CRADD: variants seen among roughly 807,000 people sequenced by gnomAD.
CRADD encodes the protein death domain-containing protein CRADD.
CRADD carries 9 observed loss-of-function variants against 15.5 expected under a neutral mutation model. That is an observed-to-expected ratio of 0.58 (90% CI 0.35 to 1.01). The LOEUF (loss-of-function observed/expected upper bound fraction) is 1.01. Ranked by LOEUF, CRADD falls within the 50% of genes least tolerant of loss-of-function variation. The pLI is 0.02. For synonymous variants in CRADD, 118 were observed against 107.6 expected (o/e 1.10, Z -0.60); for missense variants, 227 against 250.3 (o/e 0.91, Z 0.63).
chr12:93,734,644 T>G (rs992852918), intron 2 of CRADD, among the ~76,000 whole-genome samples: 5 of 152,232 alleles, frequency 3.3e-5, no homozygotes, highest in African/African-American at 1.2e-4. Flanking sequence ...AGAACACCAC[T>G]GCATCATCAG....
At chr12:93,842,548 A>G (rs958544058) in intron 2 of CRADD, among the ~76,000 whole-genome samples, 1 of 152,164 alleles carries the variant, frequency 6.6e-6, no homozygotes, top group Non-Finnish European at 1.5e-5. Flanking sequence ...TCACAGAAGT[A>G]GAAGAGCTGG....
At chr12:93,835,819 T>G (rs1457579306) in intron 2 of CRADD, among the ~76,000 whole-genome samples, 1 of 152,216 alleles carries the variant, frequency 6.6e-6, no homozygotes, top group Admixed American at 6.5e-5. Context: ...TCACTTGCCA[T>G]GCTGTTTCAT....
intron 2 of CRADD, among the ~76,000 whole-genome samples, chr12:93,885,452 A>T (rs1474488581): frequency 7.3e-6 from 1 of 137,204 alleles, no homozygotes; most frequent in Non-Finnish European, 1.5e-5. Flanking sequence ...GCCACCCCCC[A>T]GTCTGGTGCT....
chr12:93,776,871 G>A (rs952586600), intron 2 of CRADD, among the ~76,000 whole-genome samples: 4 of 152,286 alleles, frequency 2.6e-5, no homozygotes, highest in African/African-American at 7.2e-5. Context: ...TGCTTAGAGC[G>A]GGAGGTGGGG....
intron 2 of CRADD, among the ~76,000 whole-genome samples, chr12:93,884,308 A>G (rs1199949268): frequency 6.6e-6 from 1 of 152,232 alleles, no homozygotes; most frequent in African/African-American, 2.4e-5. Context: ...TTCTTCCTGA[A>G]TCTAAACCTT....
At chr12:93,700,006 G>T (rs1955804749) in intron 2 of CRADD, among the ~76,000 whole-genome samples, 2 of 152,178 alleles carry the variant, frequency 1.3e-5, no homozygotes, top group Admixed American at 1.3e-4. Flanking sequence ...ATAAAGTAGG[G>T]AGTGCTTCGA....
chr12:93,859,265 T>G (rs1221345120), intron 2 of CRADD: 1 of 451,668 alleles, frequency 2.2e-6, no homozygotes, highest in Non-Finnish European at 4.4e-6. Context: ...TTTAAAAAGC[T>G]ATAATCAAAT....
At chr12:93,753,754 T>C (rs1956856961) in intron 2 of CRADD, among the ~76,000 whole-genome samples, 2 of 152,256 alleles carry the variant, frequency 1.3e-5, no homozygotes, top group Admixed American at 1.3e-4. Flanking sequence ...CCCACAACTT[T>C]GGGCAGCTCT....
chr12:93,886,489 T>G (rs912434045), intron 2 of CRADD, among the ~76,000 whole-genome samples: 8 of 152,158 alleles, frequency 5.3e-5, no homozygotes, highest in African/African-American at 1.7e-4. Flanking sequence ...TTTCACTGCC[T>G]TGAGAGTTTA....
chr12:93,713,463 C>T (rs1220855122), intron 2 of CRADD, among the ~76,000 whole-genome samples: 1 of 152,150 alleles, frequency 6.6e-6, no homozygotes, highest in Non-Finnish European at 1.5e-5. Context: ...CCAAAATCCA[C>T]AGATGCTCAA....
chr12:93,818,777 G>A (rs1043591093), intron 2 of CRADD, among the ~76,000 whole-genome samples: 36 of 152,196 alleles, frequency 2.4e-4, no homozygotes, highest in Non-Finnish European at 1.0e-4. Flanking sequence ...ACCACAGGGT[G>A]AGAGAACTGG....
At chr12:93,728,307 AC>A (rs1330467970) in intron 2 of CRADD, among the ~76,000 whole-genome samples, 1 of 152,266 alleles carries the variant, frequency 6.6e-6, no homozygotes, top group Non-Finnish European at 1.5e-5. Flanking sequence ...ATTATAAAAT[AC>A]ATAGGAATAA....
intron 2 of CRADD, among the ~76,000 whole-genome samples, chr12:93,882,420 CA>C (rs564407219): frequency 0.1 from 6,862 of 65,644 alleles, 124 homozygotes; most frequent in East Asian, 0.27. Context: ...GACTCTGTCT[CA>C]AAAAAAAAAA....
Position 93,870,434 on chromosome 12 carries a change from A to T in CRADD, c.299-23616A>T, listed in dbSNP as rs144532373. On this transcript the variant is annotated intron_variant, in intron 2 of 2. Coordinates refer to the CRADD transcript ENST00000548483. ...GGACCTTCCTCTCCCTTAAGTTCCC[A>T]GTCTGGGGCTACAGTTTTACCCTCA... Among the ~76,000 whole-genome samples, 12 of 152,268 alleles carry T rather than the reference A, an allele frequency of 7.9e-5. 1 individual carries two copies. Among genetic ancestry groups the T allele is most frequent in the African/African-American group, 2.9e-4 (12 of 41,554 alleles).
At chr12:93,779,008 G>A (rs1001172441) in intron 2 of CRADD, among the ~76,000 whole-genome samples, 9 of 152,164 alleles carry the variant, frequency 5.9e-5, no homozygotes, top group African/African-American at 1.7e-4. Flanking sequence ...GAGCCAAAGC[G>A]TTATGCCTGA....
chr12:93,710,639 C>G lies in CRADD; in HGVS notation c.298+31567C>G, dbSNP rs576612800. On this transcript the variant is annotated intron_variant, in intron 2 of 2. Coordinates refer to ENST00000332896, the MANE Select transcript of CRADD (RefSeq NM_003805.5). ...GGATTACAGGCGTGAACCACCATGC[C>G]TGGCCAGCTTCTATTTCTCTTGAAG... Among the ~76,000 whole-genome samples the G allele has an allele frequency of 3.9e-3, 599 of 152,276 alleles. 1 individual carries two copies. Among genetic ancestry groups the G allele is most frequent in the Non-Finnish European group, 6.4e-3 (436 of 68,018 alleles).
At chr12:93,777,493 C>A (rs1957153227) in intron 2 of CRADD, among the ~76,000 whole-genome samples, 1 of 152,184 alleles carries the variant, frequency 6.6e-6, no homozygotes, top group African/African-American at 2.4e-5. Flanking sequence ...CTGAGCTCAG[C>A]TGCTGAGTCA....
chr12:93,740,564 G>A (rs1956650045), intron 2 of CRADD, among the ~76,000 whole-genome samples: 1 of 152,076 alleles, frequency 6.6e-6, no homozygotes, highest in East Asian at 1.9e-4. Flanking sequence ...TTGTTGCCAT[G>A]ATTAATATAT....
chr12:93,886,507 C>T (rs1434367948), intron 2 of CRADD, among the ~76,000 whole-genome samples: 1 of 152,056 alleles, frequency 6.6e-6, no homozygotes, highest in African/African-American at 2.4e-5. Context: ...TTATCAACTC[C>T]CCACCCATAG....
Sources: allele counts gnomAD v4.1 joint callset (sites outside exome capture counted in the v4.1 genomes callset), GRCh38; gene constraint gnomAD v4.1.1; transcripts MANE v1.5; gene names NCBI Gene and HGNC (gene_info 2026-07-23, HGNC 2026-07-21).